Variants in MACROD2 observed in about 807,000 individuals in gnomAD.
The protein encoded by MACROD2 is ADP-ribose glycohydrolase MACROD2.
Under a neutral mutation model 70.4 loss-of-function variants are expected in MACROD2, and 36 were observed. The ratio of observed to expected loss-of-function variants is 0.51; its 90% CI spans 0.39 to 0.68. MACROD2 has a LOEUF of 0.68. MACROD2 is among the 30% of genes least tolerant of loss of function. The pLI, the probability that MACROD2 is intolerant of heterozygous loss-of-function variation, is 0.00. For synonymous variants in MACROD2, 172 were observed against 178.8 expected, an observed-to-expected ratio of 0.96 and a Z score of 0.30; for missense variants, 496 against 538.4, an observed-to-expected ratio of 0.92 and a Z score of 0.78.
intron 2 of MACROD2, among the ~76,000 whole-genome samples, chr20:14,023,466 C>G (rs913005551): frequency 2.0e-5 from 3 of 152,014 alleles, no homozygotes; most frequent in Non-Finnish European, 2.9e-5. Flanking sequence ...AGTTATGAAG[C>G]CTTTGCCCAT....
rs149778323 is a variant in MACROD2, at chr20:15,503,393, G to A, written c.645+3546G>A. ...AAGATAGAAGTAGGAAAGAAAGACC[G>A]GGTGATATTGATCAGATTACCATAA... On this transcript the variant is annotated intron_variant, in intron 8 of 17. Transcript: ENST00000684519. 2.8e-4 allele frequency among the ~76,000 whole-genome samples: 42 copies of A among 152,252 alleles called. No homozygotes were observed. In the East Asian group the frequency reaches 5.8e-3, roughly 21 times the overall value.
intron 8 of MACROD2, among the ~76,000 whole-genome samples, chr20:15,597,431 A>G (rs1249844766): frequency 6.6e-6 from 1 of 152,210 alleles, no homozygotes; most frequent in Non-Finnish European, 1.5e-5. Context: ...AGAAAGTTGG[A>G]AAAATGCTGG....
intron 8 of MACROD2, among the ~76,000 whole-genome samples, chr20:15,544,226 T>C (rs2047997504): frequency 6.6e-6 from 1 of 152,190 alleles, no homozygotes; most frequent in East Asian, 1.9e-4. Context: ...GTCGTATCAT[T>C]TGCTTTAGTA....
At chr20:14,951,490 T>C (rs571824836) in intron 5 of MACROD2, among the ~76,000 whole-genome samples, 1 of 152,220 alleles carries the variant, frequency 6.6e-6, no homozygotes, top group Admixed American at 6.5e-5. Context: ...AAGGATGCTG[T>C]GCTTGATTAA....
intron 7 of MACROD2, among the ~76,000 whole-genome samples, chr20:15,490,572 C>G (rs1407993332): frequency 6.6e-6 from 1 of 152,026 alleles, no homozygotes; most frequent in Non-Finnish European, 1.5e-5. Context: ...TGGGAGTTTT[C>G]AATATAAATC....
chr20:14,764,911 CA>C (rs762303567), intron 5 of MACROD2, among the ~76,000 whole-genome samples: 27 of 151,958 alleles, frequency 1.8e-4, no homozygotes, highest in Non-Finnish European at 3.1e-4. Context: ...ACAAGGAACC[CA>C]GGAATTTCTC....
At chr20:15,371,826 C>G (rs1007691167) in intron 6 of MACROD2, among the ~76,000 whole-genome samples, 1 of 151,766 alleles carries the variant, frequency 6.6e-6, no homozygotes, top group Non-Finnish European at 1.5e-5. Flanking sequence ...TTTTTAAAAC[C>G]CTCCAGACAT....
chr20:14,186,609 C>T (rs989074080), intron 3 of MACROD2, among the ~76,000 whole-genome samples: 7 of 152,064 alleles, frequency 4.6e-5, no homozygotes, highest in Non-Finnish European at 8.8e-5. Context: ...TATACCCAAA[C>T]GAAACTAAAT....
At chr20:15,716,675 T>C (rs1378633750) in intron 8 of MACROD2, among the ~76,000 whole-genome samples, 4 of 152,138 alleles carry the variant, frequency 2.6e-5, no homozygotes, top group African/African-American at 9.7e-5. Context: ...ACCCTACTTT[T>C]AACAAGAAAC....
At chr20:15,463,214 A>T (rs913250890) in intron 7 of MACROD2, among the ~76,000 whole-genome samples, 1 of 152,174 alleles carries the variant, frequency 6.6e-6, no homozygotes, top group African/African-American at 2.4e-5. Context: ...TGCCAACAGG[A>T]GGAATGACCG....
chr20:15,258,935 A>G (rs2077223657), intron 6 of MACROD2, among the ~76,000 whole-genome samples: 2 of 152,050 alleles, frequency 1.3e-5, no homozygotes, highest in Admixed American at 1.3e-4. Context: ...CTAATTTCCT[A>G]CAGGACAAGA....
At chr20:15,131,148 G>A (rs1469393245) in intron 5 of MACROD2, among the ~76,000 whole-genome samples, 1 of 152,074 alleles carries the variant, frequency 6.6e-6, no homozygotes, top group Non-Finnish European at 1.5e-5. Flanking sequence ...TGCACATAGA[G>A]GTTCTAGATT....
chr20:14,134,810 A>AC lies in MACROD2; in HGVS notation c.271+49082_271+49083insC, dbSNP rs1458656198. ...CAGTGAGACTCCGTGTCAAAAAAAAAAAAAAAAAAAAACAGCTACAAATTC... is the reference window on the plus strand; with the variant it reads ...CAGTGAGACTCCGTGTCAAAAAAAAACAAAAAAAAAAAACAGCTACAAATTC... On this transcript the variant is annotated intron_variant, in intron 3 of 17. Coordinates refer to ENST00000684519, the MANE Select transcript of MACROD2 (RefSeq NM_001351661.2). Among the ~76,000 whole-genome samples, 112 of 151,520 alleles carry AC rather than the reference A, an allele frequency of 7.4e-4. 1 individual carries two copies. Among genetic ancestry groups the AC allele is most frequent in the African/African-American group, 2.5e-3 (105 of 41,310 alleles).
At chr20:15,511,189 T>G (rs1233764) in intron 8 of MACROD2, among the ~76,000 whole-genome samples, 129,575 of 152,222 alleles carry the variant, frequency 0.85, 55,598 homozygotes, top group East Asian at 0.99. Flanking sequence ...CACGCATATA[T>G]CCTCTGTTGT....
At chr20:14,057,936 G>T (rs2053649551) in intron 2 of MACROD2, among the ~76,000 whole-genome samples, 1 of 152,136 alleles carries the variant, frequency 6.6e-6, no homozygotes, top group East Asian at 1.9e-4. Context: ...TACTTACCGT[G>T]TATGATTCCC....
intron 3 of MACROD2, among the ~76,000 whole-genome samples, chr20:14,085,983 A>T (rs539937529): frequency 6.6e-6 from 1 of 152,182 alleles, no homozygotes; most frequent in East Asian, 1.9e-4. Context: ...GAAGTGACAG[A>T]TTGTTGCAGA....
At chr20:14,200,272 C>T (rs772768618) in intron 3 of MACROD2, among the ~76,000 whole-genome samples, 22 of 152,076 alleles carry the variant, frequency 1.4e-4, no homozygotes, top group East Asian at 1.4e-3. Context: ...CAAACTAACA[C>T]AGGAACAGAA....
intron 3 of MACROD2, among the ~76,000 whole-genome samples, chr20:14,413,349 C>T (rs943613425): frequency 6.6e-6 from 1 of 151,270 alleles, no homozygotes; most frequent in East Asian, 1.9e-4. Context: ...CCCTGTAAAA[C>T]TGATATTTAT....
At chr20:15,526,068 C>G (rs1193405276) in intron 8 of MACROD2, among the ~76,000 whole-genome samples, 1 of 152,084 alleles carries the variant, frequency 6.6e-6, no homozygotes, top group Non-Finnish European at 1.5e-5. Context: ...ATAGATTTTT[C>G]TTTATTTCAG....
Sources: allele counts gnomAD v4.1 joint callset (sites outside exome capture counted in the v4.1 genomes callset), GRCh38; gene constraint gnomAD v4.1.1; transcripts MANE v1.5; gene names NCBI Gene and HGNC (gene_info 2026-07-23, HGNC 2026-07-21).